The following SHISA9 variants were observed in gnomAD, a reference collection of about 807,000 sequenced individuals.
The protein encoded by SHISA9 is protein shisa-9.
In SHISA9, 13 loss-of-function variants were observed where a neutral mutation model predicts 38.0. The ratio of observed to expected loss-of-function variants is 0.34; its 90% confidence interval spans 0.22 to 0.54. SHISA9 has a LOEUF of 0.54. Ranked by LOEUF, SHISA9 falls within the 20% of genes least tolerant of loss-of-function variation. The pLI is 0.91. For missense variants in SHISA9, 538 were observed against 575.8 expected (o/e 0.93, Z 0.67); for synonymous variants, 275 against 242.0 (o/e 1.14, Z -1.27).
intron 2 of SHISA9, among the ~76,000 whole-genome samples, chr16:13,109,482 T>C (rs2141965254): frequency 6.6e-6 from 1 of 152,194 alleles, no homozygotes; most frequent in East Asian, 1.9e-4. Context: ...CATCACTCAG[T>C]TGTTCATAAA....
the SHISA9 span, among the ~76,000 whole-genome samples, chr16:13,285,530 G>T: frequency 7.4e-6 from 1 of 135,750 alleles, no homozygotes; most frequent in Non-Finnish European, 1.5e-5. Context: ...TTACTTTAAC[G>T]TATGTGGGTG....
chr16:13,036,410 T>C (rs991923548), intron 2 of SHISA9, among the ~76,000 whole-genome samples: 50 of 152,294 alleles, frequency 3.3e-4, no homozygotes, highest in African/African-American at 1.2e-3. Flanking sequence ...ATTTGAAATC[T>C]AGAAATGACA....
the SHISA9 span, among the ~76,000 whole-genome samples, chr16:13,480,587 A>G: frequency 6.6e-6 from 1 of 152,148 alleles, no homozygotes; most frequent in Non-Finnish European, 1.5e-5. Context: ...CTGATGACAC[A>G]GGAAGGGGCA....
chr16:13,489,256 G>C, the SHISA9 span, among the ~76,000 whole-genome samples: 1 of 152,086 alleles, frequency 6.6e-6, no homozygotes, highest in East Asian at 1.9e-4. Flanking sequence ...CACCATGTTG[G>C]CCAGCCTGGT....
At chr16:13,218,752 CCTT>C (rs773297637) in intron 4 of SHISA9, among the ~76,000 whole-genome samples, 5 of 152,276 alleles carry the variant, frequency 3.3e-5, no homozygotes, top group South Asian at 2.1e-4. Context: ...CTAGTTCTTT[CCTT>C]CTTCTAAGAA....
At chr16:12,983,265 G>T (rs1396457261) in intron 2 of SHISA9, among the ~76,000 whole-genome samples, 1 of 152,140 alleles carries the variant, frequency 6.6e-6, no homozygotes, top group Non-Finnish European at 1.5e-5. Context: ...GACAAGTTTT[G>T]ATTCCTTATC....
the SHISA9 span, among the ~76,000 whole-genome samples, chr16:13,414,442 A>C: frequency 1.3e-5 from 2 of 152,144 alleles, no homozygotes; most frequent in Non-Finnish European, 2.9e-5. Flanking sequence ...GGAGTTCACA[A>C]ATGCCCACAC....
chr16:13,117,191 G>T (rs2074038958), intron 2 of SHISA9, among the ~76,000 whole-genome samples: 1 of 152,120 alleles, frequency 6.6e-6, no homozygotes, highest in Non-Finnish European at 1.5e-5. Flanking sequence ...GGCCAGGATG[G>T]TCTCAAATTC....
chr16:13,299,613 C>G, the SHISA9 span, among the ~76,000 whole-genome samples: 2 of 151,460 alleles, frequency 1.3e-5, no homozygotes, highest in Non-Finnish European at 2.9e-5. Context: ...ACGTGGGAGG[C>G]TGAGGCAGGA....
chr16:13,409,737 A>G, the SHISA9 span, among the ~76,000 whole-genome samples: 1 of 152,234 alleles, frequency 6.6e-6, no homozygotes, highest in South Asian at 2.1e-4. Flanking sequence ...ATCAGGAGGG[A>G]ATGTGTAACA....
At chr16:13,544,430 T>G in the SHISA9 span, among the ~76,000 whole-genome samples, 4 of 25,308 alleles carry the variant, frequency 1.6e-4, no homozygotes, top group African/African-American at 1.2e-3. Context: ...TTTTTTCTTG[T>G]TTTTTTTTTT....
At position 13,227,561 on chromosome 16, in the gene SHISA9, C is replaced by G. The variant is rs78468082; in HGVS notation, c.896-7469C>G. ...GGATGACAACCTTGGGCCAGAGATG[C>G]TATTGAATCTGTCCGGGAGGTAACT... On this transcript the variant is annotated intron_variant, in intron 4 of 4. Transcript: ENST00000558583. 1.3e-3 allele frequency among the ~76,000 whole-genome samples: 201 copies of G among 152,266 alleles called. 2 individuals carry two copies. The highest frequency in any genetic ancestry group is 4.6e-3 in the African/African-American group (190 of 41,544).
chr16:13,019,968 T>TTTCCTTCGTTCCTTCCTTCCTTCC (rs1555455228), intron 2 of SHISA9, among the ~76,000 whole-genome samples: 3 of 43,236 alleles, frequency 6.9e-5, no homozygotes, highest in Non-Finnish European at 1.4e-4. Flanking sequence ...TCCCTCCTTC[T>TTTCCTTCGTTCCTTCCTTCCTTCC]TTCCTTCCTT....
intron 2 of SHISA9, among the ~76,000 whole-genome samples, chr16:12,940,250 C>T (rs757332533): frequency 2.0e-5 from 3 of 152,120 alleles, no homozygotes; most frequent in Admixed American, 6.5e-5. Context: ...AGTTAGTTTC[C>T]CTCTTCTAAC....
chr16:13,249,666 C>T, the SHISA9 span, among the ~76,000 whole-genome samples: 23 of 152,176 alleles, frequency 1.5e-4, no homozygotes, highest in African/African-American at 4.1e-4. Context: ...CTGTTTTTTA[C>T]TCAGTTGCAT....
chr16:13,380,082 G>A, the SHISA9 span, among the ~76,000 whole-genome samples: 2 of 151,846 alleles, frequency 1.3e-5, no homozygotes, highest in African/African-American at 4.8e-5. Context: ...GAAAGACGAA[G>A]ATACAGAACA....
At chr16:13,504,651 T>C in the SHISA9 span, among the ~76,000 whole-genome samples, 2 of 152,142 alleles carry the variant, frequency 1.3e-5, no homozygotes, top group African/African-American at 4.8e-5. Context: ...AACAGAGGAA[T>C]TTGAGTTCTG....
rs577248709 is a variant in SHISA9 at position 13,223,549 on chromosome 16, T to TG, written c.895+10254dup. Reference sequence around the variant, plus strand: ...GATCTCATTTCTTGTTTTTCAAGACTGGGGGCTCTACCATAGCTTTCAAGA... The same window carrying TG: ...GATCTCATTTCTTGTTTTTCAAGACTGGGGGGCTCTACCATAGCTTTCAAGA... On this transcript the variant is annotated intron_variant, in intron 4 of 4. Transcript: ENST00000558583. Among the ~76,000 whole-genome samples, 35 of 152,336 alleles carry TG rather than the reference T, an allele frequency of 2.3e-4. No individual in the cohort carries two copies. The South Asian group carries it at 5.0e-3, about 22-fold the overall frequency.
chr16:13,382,137 C>T, the SHISA9 span, among the ~76,000 whole-genome samples: 2 of 152,274 alleles, frequency 1.3e-5, no homozygotes, highest in East Asian at 1.9e-4. Flanking sequence ...AAAATTAACA[C>T]TGTTTGTCAA....
Sources: gnomAD v4.1 joint callset for allele counts (sites outside exome capture counted in the v4.1 genomes callset) on GRCh38, gnomAD v4.1.1 for gene constraint, MANE v1.5 for transcripts, NCBI Gene and HGNC (gene_info 2026-07-23, HGNC 2026-07-21) for gene names.